The following FHIT variants were observed in gnomAD, a reference collection of about 807,000 sequenced individuals.
The protein encoded by FHIT is bis(5'-adenosyl)-triphosphatase.
Under a neutral mutation model 17.9 loss-of-function variants are expected in FHIT, and 19 were observed. That is an observed-to-expected ratio of 1.06 (90% CI 0.74 to 1.56). The LOEUF (loss-of-function observed/expected upper bound fraction) is 1.56. Among genes scored for constraint, FHIT ranks in the 40% most tolerant of loss-of-function variants. The pLI is 0.00. For synonymous variants in FHIT, 81 were observed against 69.7 expected, an observed-to-expected ratio of 1.16 and a Z score of -0.81; for missense variants, 248 against 189.2, an observed-to-expected ratio of 1.31 and a Z score of -1.82.
At chr3:60,549,455 C>T (rs148257823) in intron 4 of FHIT, among the ~76,000 whole-genome samples, 19 of 152,296 alleles carry the variant, frequency 1.2e-4, no homozygotes, top group Admixed American at 5.2e-4. Flanking sequence ...TCTTTGATTA[C>T]TTCTCATGCA....
At chr3:60,149,896 T>C (rs1345863912) in intron 5 of FHIT, among the ~76,000 whole-genome samples, 1 of 150,990 alleles carries the variant, frequency 6.6e-6, no homozygotes. Context: ...AGAGTTGTAA[T>C]GTCTACAGCA....
intron 8 of FHIT, among the ~76,000 whole-genome samples, chr3:59,857,143 G>T (rs751799193): frequency 6.6e-6 from 1 of 152,204 alleles, no homozygotes; most frequent in African/African-American, 2.4e-5. Flanking sequence ...ACAAGGCATG[G>T]AATGTGTTCA....
intron 7 of FHIT, among the ~76,000 whole-genome samples, chr3:59,932,507 G>C (rs1343368036): frequency 6.6e-6 from 1 of 152,190 alleles, no homozygotes; most frequent in Admixed American, 6.6e-5. Flanking sequence ...CTAGGAAAGG[G>C]AGCTGTTGTC....
intron 2 of FHIT, among the ~76,000 whole-genome samples, chr3:61,199,926 G>T (rs1051333546): frequency 3.3e-5 from 5 of 152,082 alleles, no homozygotes; most frequent in African/African-American, 4.8e-5. Context: ...ATTAAACAAT[G>T]AATCAAAGAA....
chr3:60,430,503 G>A (rs1702844657), intron 5 of FHIT, among the ~76,000 whole-genome samples: 3 of 151,860 alleles, frequency 2.0e-5, no homozygotes, highest in Admixed American at 2.0e-4. Flanking sequence ...GGGTCTAAGG[G>A]CAATATTTTT....
At chr3:60,785,896 G>GACAC (rs71092634) in intron 4 of FHIT, among the ~76,000 whole-genome samples, 1,508 of 85,810 alleles carry the variant, frequency 0.018, 14 homozygotes, top group East Asian at 0.04. Flanking sequence ...ACAAACAGAA[G>GACAC]ACACACACAC....
chr3:59,920,958 C>A (rs1705371127), intron 8 of FHIT, among the ~76,000 whole-genome samples: 1 of 152,162 alleles, frequency 6.6e-6, no homozygotes, highest in African/African-American at 2.4e-5. Context: ...TATACAATGA[C>A]TGATTCCTGA....
intron 2 of FHIT, among the ~76,000 whole-genome samples, chr3:61,174,617 G>C (rs13320670): frequency 0.12 from 18,550 of 152,144 alleles, 1,210 homozygotes; most frequent in Non-Finnish European, 0.15. Context: ...CTGTAAGAAA[G>C]GTATTTTTCA....
chr3:60,060,490 G>C (rs143585756), intron 5 of FHIT, among the ~76,000 whole-genome samples: 130 of 152,192 alleles, frequency 8.5e-4, no homozygotes, highest in African/African-American at 3.0e-3. Context: ...TTAATCCTTT[G>C]TATTAACTAC....
intron 4 of FHIT, among the ~76,000 whole-genome samples, chr3:60,698,788 A>C (rs2041172376): frequency 6.6e-6 from 1 of 152,152 alleles, no homozygotes. Context: ...CTTTTTTAAA[A>C]ATTAGGATTT....
At chr3:60,258,115 G>C (rs17398712) in intron 5 of FHIT, among the ~76,000 whole-genome samples, 19,360 of 146,000 alleles carry the variant, frequency 0.13, 1,543 homozygotes, top group Middle Eastern at 0.2. Context: ...TGCAGATTTT[G>C]TACACACTCC....
chr3:59,848,021 T>C (rs1575584643), intron 8 of FHIT, among the ~76,000 whole-genome samples: 1 of 152,298 alleles, frequency 6.6e-6, no homozygotes, highest in Non-Finnish European at 1.5e-5. Context: ...ACAACAATAA[T>C]GGCTACCACC....
intron 3 of FHIT, among the ~76,000 whole-genome samples, chr3:60,957,538 ATCT>A (rs34805544): frequency 0.17 from 25,345 of 152,162 alleles, 2,265 homozygotes; most frequent in Middle Eastern, 0.22. Flanking sequence ...CGCCGGGCCC[ATCT>A]TCTTTTCTGT....
chr3:60,399,926 C>T lies in FHIT; in HGVS notation c.103+136934G>A, dbSNP rs538861589. Reference sequence around the variant, plus strand: ...AGGATGAGATTTCTTTTAAGTAAACCCTGCTTCTGAATTCAGAGTATCCTC... The same window carrying T: ...AGGATGAGATTTCTTTTAAGTAAACTCTGCTTCTGAATTCAGAGTATCCTC... On this transcript the variant is annotated intron_variant, in intron 5 of 9. Coordinates refer to ENST00000492590, the MANE Select transcript of FHIT (RefSeq NM_002012.4). 2.0e-5 allele frequency among the ~76,000 whole-genome samples: 3 copies of T among 152,204 alleles called. No individual in the cohort carries two copies. In the South Asian group the frequency reaches 6.2e-4, roughly 32 times the overall value.
intron 8 of FHIT, among the ~76,000 whole-genome samples, chr3:59,839,711 C>T (rs1417261463): frequency 2.0e-5 from 3 of 152,122 alleles, no homozygotes; most frequent in Non-Finnish European, 2.9e-5. Context: ...TCTCTCTCTA[C>T]CAAACACTGC....
chr3:60,222,407 C>T (rs1704003726), intron 5 of FHIT, among the ~76,000 whole-genome samples: 1 of 152,186 alleles, frequency 6.6e-6, no homozygotes, highest in South Asian at 2.1e-4. Flanking sequence ...CAGGTACCAA[C>T]TTTCACTCAA....
intron 5 of FHIT, among the ~76,000 whole-genome samples, chr3:60,387,977 C>A (rs897245998): frequency 5.9e-5 from 9 of 152,102 alleles, no homozygotes; most frequent in African/African-American, 2.2e-4. Context: ...ACACCTCCCA[C>A]CCTTCTCTGT....
At chr3:60,672,057 T>C (rs1226247249) in intron 4 of FHIT, among the ~76,000 whole-genome samples, 1 of 152,242 alleles carries the variant, frequency 6.6e-6, no homozygotes, top group Admixed American at 6.5e-5. Context: ...TTACTTTGTG[T>C]AATTGATGTA....
rs536740321 is a variant in FHIT at position 60,988,717 on chromosome 3, A to C, written c.-111+53330T>G. 6.6e-5 allele frequency among the ~76,000 whole-genome samples: 10 copies of C among 152,216 alleles called. No homozygotes were observed. The South Asian group carries it at 1.7e-3, about 25-fold the overall frequency. ...AGACTGTTCAGCCTTGACAAGGTAA[A>C]GGGCAAGAGGTGATATATTTGTTTG... On this transcript the variant is annotated intron_variant, in intron 3 of 9. Coordinates refer to ENST00000492590, the MANE Select transcript of FHIT (RefSeq NM_002012.4).
Sources: gnomAD v4.1 joint callset for allele counts (sites outside exome capture counted in the v4.1 genomes callset) on GRCh38, gnomAD v4.1.1 for gene constraint, MANE v1.5 for transcripts, NCBI Gene and HGNC (gene_info 2026-07-23, HGNC 2026-07-21) for gene names.